PDZD7: variants seen among roughly 807,000 people sequenced by gnomAD.
PDZD7 encodes the protein PDZ domain-containing protein 7.
In PDZD7, 72 loss-of-function variants were observed where a neutral mutation model predicts 84.7. The observed-to-expected ratio is 0.85, with a 90% CI of 0.70 to 1.03. PDZD7 has a LOEUF of 1.03. Ranked by LOEUF, PDZD7 falls within the 50% of genes least tolerant of loss-of-function variation. PDZD7 has a pLI of 0.00. For missense variants in PDZD7, 1,490 were observed against 1,412.9 expected (o/e 1.05, Z -0.87); for synonymous variants, 594 against 580.7 (o/e 1.02, Z -0.33).
intron 7 of PDZD7, among the ~76,000 whole-genome samples, chr10:101,019,544 C>CT (rs1852938495): frequency 1.4e-5 from 1 of 71,560 alleles, no homozygotes; most frequent in Admixed American, 1.2e-4. Context: ...CTGCTTCTGC[C>CT]TCCTCCTCCT....
intron 1 of PDZD7, 69 bp from the exon 2 acceptor site, chr10:101,030,453 C>A (rs1938064880): frequency 1.5e-6 from 1 of 654,902 alleles, no homozygotes; most frequent in Non-Finnish European, 2.8e-6. Context: ...AAACTTCCAC[C>A]CCTCCCCCTG....
chr10:101,011,479 G>T, intron 14 of PDZD7: 1 of 1,350,590 alleles, frequency 7.4e-7, no homozygotes, highest in Non-Finnish European at 9.7e-7. Flanking sequence ...AAAAGTGAGT[G>T]GGTTTCAAAC....
At position 101,008,418 on chromosome 10, in the gene PDZD7, GA is replaced by G; in HGVS notation, c.*48del. The G allele has an allele frequency of 6.8e-7, 1 of 1,461,902 alleles. No individual in the cohort carries two copies. Among genetic ancestry groups the G allele is most frequent in the Non-Finnish European group, 9.1e-7 (1 of 1,104,730 alleles). 90.6% of individuals were successfully genotyped at this position (1,461,902 alleles called of 1,614,324 possible). A position where few individuals can be genotyped will look rare whatever the true frequency, so the allele number is the denominator to read the frequency against. ...AGAAGTTGGTAGGAGAGGTCCTGGG[GA>G]TAACGGGATGCTGGAGTCAGTGGGT... On this transcript the variant is annotated 3_prime_UTR_variant, in exon 17 of 17. Transcript: ENST00000619208.
Position 101,008,144 on chromosome 10 carries a change from A to C in PDZD7, c.*323T>G, listed in dbSNP as rs1482558585. 3 of 398,104 alleles carry C rather than the reference A, an allele frequency of 7.5e-6. No homozygotes were observed. 24.7% of individuals were successfully genotyped at this position (398,104 alleles called of 1,614,324 possible). On this transcript the variant is annotated 3_prime_UTR_variant, in exon 17 of 17. Transcript: ENST00000619208. ...GTGTCCCTGGAGGCTTGGGCGACTC[A>C]TAAGGGACAGCATGTGAGAAAGTGC...
rs146801433 is a variant in PDZD7, at chr10:101,022,298, G to A, written c.630C>T (p.Ile210=). 6.7e-5 allele frequency: 108 copies of A among 1,614,108 alleles called. No homozygotes were observed. The highest frequency in any genetic ancestry group is 8.6e-5 in the Non-Finnish European group (102 of 1,180,054). The change falls in exon 5 of 17, where the codon ATC becomes ATT. Residue 210 remains isoleucine, a synonymous_variant. Coordinates refer to ENST00000619208, the MANE Select transcript of PDZD7 (RefSeq NM_001195263.2). ...CGTCGGAGGTTGTGTATAGGTGGAC[G>A]ATGCGCCGGACACCATCTTCTGAGC... ...DTSSEDGVRR[I]VHLYTTSDDF... is the part of the protein sequence containing the mutation.
At chr10:101,030,727 G>A (rs1427971594) in intron 1 of PDZD7, 2 of 216,148 alleles carry the variant, frequency 9.3e-6, no homozygotes, top group Non-Finnish European at 1.9e-5. Flanking sequence ...GACAGCTCAT[G>A]GCATCACCTC....
chr10:101,022,463 T>A (rs1853172887), intron 4 of PDZD7, 78 bp from the exon 5 acceptor site: 3 of 1,574,070 alleles, frequency 1.9e-6, no homozygotes, highest in Non-Finnish European at 2.6e-6. Context: ...TTCTGACAAC[T>A]GCAGGGAAAG....
At chr10:101,023,230 G>T (rs1853229579) in intron 4 of PDZD7, 2 of 635,218 alleles carry the variant, frequency 3.1e-6, no homozygotes, top group Admixed American at 5.0e-5. Flanking sequence ...GAACCACTGG[G>T]ATCTGGGAGA....
rs374410165 is a variant in PDZD7 at position 101,030,192 on chromosome 10, C to T, written c.28G>A (p.Asp10Asn). 10 of 1,612,274 alleles carry T rather than the reference C, an allele frequency of 6.2e-6. No individual in the cohort carries two copies. In the African/African-American group the frequency reaches 8.0e-5, roughly 13 times the overall value. Residue 10 changes from aspartate (D) to asparagine (N), a missense_variant, in exon 2 of 17, where the codon GAC (aspartate) becomes AAC (asparagine). Transcript: ENST00000619208. ...CTCAGGTCTCCTAGGCCCAGTGGGT[C>T]GAAGCCCACTGCGAAACCCTGCGCC... MAQGFAVGF[D>N]PLGLGDLSSG...
In PDZD7 at chr10:101,010,325, T is replaced by A. The variant is rs807023; in HGVS notation, c.2564A>T (p.Asn855Ile). 1 of 1,535,724 alleles carries A rather than the reference T, an allele frequency of 6.5e-7. No homozygotes were observed. The highest frequency in any genetic ancestry group is 8.7e-7 in the Non-Finnish European group (1 of 1,146,660). Residue 855 changes from asparagine (N) to isoleucine (I), a missense_variant, in exon 15 of 17, where the codon AAC becomes ATC. Transcript: ENST00000619208. ...EGTAKEAAMK[N>I]PSGELKTVTL... ...CACTGTCTTCAGCTCGCCACTGGGG[T>A]TCTTCATGGCTGCCTCCTTGGCCGT... is the stretch of plus-strand genomic sequence containing the variant.
At chr10:101,009,437 A>C in intron 15 of PDZD7, 87 bp from the exon 16 acceptor site, 2 of 1,052,162 alleles carry the variant, frequency 1.9e-6, no homozygotes, top group Non-Finnish European at 2.8e-6. Flanking sequence ...CCATCCCCAA[A>C]TCCAAGGCCC....
chr10:101,024,181 G>T, intron 2 of PDZD7, 113 bp from the exon 3 acceptor site: 1 of 1,440,700 alleles, frequency 6.9e-7, no homozygotes, highest in Non-Finnish European at 9.7e-7. Context: ...AGTCACACAG[G>T]CACGTAGGGG....
Position 101,022,225 on chromosome 10 carries a change from C to G in PDZD7, c.703G>C (p.Gly235Arg). Residue 235 changes from glycine (G) to arginine (R), a missense_variant, in exon 5 of 17, where the codon GGC becomes CGC. Gly to Arg is a moderately radical substitution (Grantham distance 125). Transcript: ENST00000619208. ...NIRGGKEFGL[G>R]IYVSKVDHGG... ...AGCCCTCACTTGGACACATAGATGC[C>G]CAGGCCAAACTCCTTGCCCCCACGG... 1 of 1,614,196 alleles carries G rather than the reference C, an allele frequency of 6.2e-7. No homozygotes were observed. The highest frequency in any genetic ancestry group is 8.5e-7 in the Non-Finnish European group (1 of 1,180,048).
chr10:101,009,599 C>CTT (rs142806278), intron 15 of PDZD7, among the ~76,000 whole-genome samples: 1,721 of 62,288 alleles, frequency 0.028, 91 homozygotes, highest in Non-Finnish European at 0.033. Context: ...GAGACAGAGT[C>CTT]TTTTTTTTTT....
intron 7 of PDZD7, 24 bp from the exon 8 acceptor site, chr10:101,019,241 G>C: frequency 6.5e-7 from 1 of 1,535,146 alleles, no homozygotes; most frequent in East Asian, 2.4e-5. Flanking sequence ...AGAAGCCAGG[G>C]ATCAGCGGGC....
intron 7 of PDZD7, among the ~76,000 whole-genome samples, 153 bp from the exon 8 acceptor site, chr10:101,019,370 C>T (rs1257444583): frequency 6.6e-6 from 1 of 152,224 alleles, no homozygotes; most frequent in Non-Finnish European, 1.5e-5. Flanking sequence ...CTCCGAAATG[C>T]TGCCACTGAC....
chr10:101,010,925 TCCAGGAC>T, intron 14 of PDZD7, 42 bp from the exon 15 acceptor site: 1 of 1,446,362 alleles, frequency 6.9e-7, no homozygotes, highest in Non-Finnish European at 9.1e-7. Flanking sequence ...TCCTCCCCTC[TCCAGGAC>T]CCAGGCCTTG....
At chr10:101,027,009 T>A (rs901520563) in intron 2 of PDZD7, among the ~76,000 whole-genome samples, 9 of 152,032 alleles carry the variant, frequency 5.9e-5, no homozygotes, top group Non-Finnish European at 1.2e-4. Context: ...AAGGATGGAA[T>A]CTTCTCTACC....
chr10:101,008,818 C>G lies in PDZD7; in HGVS notation c.2751G>C (p.Glu917Asp), dbSNP rs181530387. 2.0e-6 allele frequency: 3 copies of G among 1,516,372 alleles called. No homozygotes were observed. The highest frequency in any genetic ancestry group is 4.9e-5 in the East Asian group (2 of 40,560). The allele number at this position is 1,516,372 out of a possible 1,614,324, so 93.9% of individuals were successfully genotyped here. Residue 917 changes from glutamate to aspartate, a missense_variant, in exon 17 of 17, where the codon GAG (glutamate) becomes GAC (aspartate). Transcript: ENST00000619208. ...AGFELVAVDG[E>D]NLEQVTHQRA... The stretch of plus-strand genomic sequence containing the variant: ...GCTGGTGGGTCACCTGCTCTAGATT[C>G]TCTCCGTCCACTGCCACAAGCTCGA...
Sources: gnomAD v4.1 joint callset for allele counts (sites outside exome capture counted in the v4.1 genomes callset) on GRCh38, gnomAD v4.1.1 for gene constraint, MANE v1.5 for transcripts, NCBI Gene and HGNC (gene_info 2026-07-23, HGNC 2026-07-21) for gene names.